Variants in NRG3 observed in about 807,000 individuals in gnomAD.
The protein encoded by NRG3 is neuregulin 3.
In NRG3, 31 loss-of-function variants were observed where a neutral mutation model predicts 66.9. The ratio of observed to expected loss-of-function variants is 0.46; its 90% CI spans 0.35 to 0.63. The LOEUF (loss-of-function observed/expected upper bound fraction) is 0.63. Among genes scored for constraint, NRG3 ranks in the 20% least tolerant of loss-of-function variants. The probability of loss-of-function intolerance (pLI) is 0.00; values close to 1 mark genes in which losing one functional copy is unlikely to be tolerated. For missense variants in NRG3, 910 were observed against 878.9 expected (o/e 1.04, Z -0.45); for synonymous variants, 393 against 359.4 (o/e 1.09, Z -1.06).
chr10:81,876,101 C>G lies in NRG3; in HGVS notation c.761C>G (p.Ser254Cys). ...LSPFQDAASS[S>C]SSSSSSATTT... ...CCCTTTCAGGATGCTGCCTCCTCTT[C>G]TTCCTCTTCTTCCTCCTCCGCTACC... The change falls in exon 1 of 9, where the codon TCT becomes TGT. Residue 254 changes from serine (S) to cysteine (C), a missense_variant. Transcript: ENST00000372141. The G allele has an allele frequency of 6.2e-7, 1 of 1,611,448 alleles. No homozygotes were observed. Among genetic ancestry groups the G allele is most frequent in the Non-Finnish European group, 8.5e-7 (1 of 1,179,032 alleles).
At chr10:82,217,136 A>G (rs953698115) in intron 1 of NRG3, among the ~76,000 whole-genome samples, 3 of 152,232 alleles carry the variant, frequency 2.0e-5, no homozygotes, top group African/African-American at 7.2e-5. Context: ...AGGAAGGTCT[A>G]GAATGGAACA....
At chr10:82,418,460 A>G (rs1834230204) in intron 2 of NRG3, among the ~76,000 whole-genome samples, 1 of 144,932 alleles carries the variant, frequency 6.9e-6, no homozygotes, top group Admixed American at 6.7e-5. Context: ...ATGCAAATGA[A>G]AAGAGGAGGT....
chr10:81,876,345 T>A (rs1235911891), intron 1 of NRG3, among the ~76,000 whole-genome samples, 182 bp downstream of exon 1: 1 of 152,132 alleles, frequency 6.6e-6, no homozygotes, highest in Non-Finnish European at 1.5e-5. Flanking sequence ...CTGCTCTGGT[T>A]CTGGGGGGGT....
intron 2 of NRG3, among the ~76,000 whole-genome samples, chr10:82,490,943 A>G (rs747753261): frequency 6.6e-6 from 1 of 152,114 alleles, no homozygotes; most frequent in African/African-American, 2.4e-5. Context: ...GGCAGCCAAT[A>G]TGGCAGCGTG....
At chr10:82,772,604 T>C (rs950166553) in intron 3 of NRG3, among the ~76,000 whole-genome samples, 9 of 152,120 alleles carry the variant, frequency 5.9e-5, no homozygotes. Context: ...GTTTGGCTTA[T>C]TTCACTTAAC....
chr10:82,503,812 T>TGAG (rs1436990460), intron 2 of NRG3, among the ~76,000 whole-genome samples: 2 of 152,168 alleles, frequency 1.3e-5, no homozygotes, highest in African/African-American at 2.4e-5. Flanking sequence ...ATACTACTTA[T>TGAG]GAGACCAGTG....
rs71009807 is a variant in NRG3, at chr10:82,408,085, C to CAGAAAGAAAGAAAGAA, written c.953+49263_953+49278dup. Among the ~76,000 whole-genome samples, 218 of 74,856 alleles carry CAGAAAGAAAGAAAGAA rather than the reference C, an allele frequency of 2.9e-3. 2 individuals are homozygous for CAGAAAGAAAGAAAGAA. Among genetic ancestry groups the CAGAAAGAAAGAAAGAA allele is most frequent in the South Asian group, 4.9e-3 (9 of 1,854 alleles). 49.1% of individuals were successfully genotyped at this position (74,856 alleles called of 152,430 possible). A position where few individuals can be genotyped will look rare whatever the true frequency, so the allele number is the denominator to read the frequency against. ...AGAGAGAGAGAGAGAGAGAGAGAGA[C>CAGAAAGAAAGAAAGAA]AGAAAGAAAGAAAGAAAGAAAGAAA... On this transcript the variant is annotated intron_variant, in intron 2 of 8. Transcript: ENST00000372141.
intron 3 of NRG3, among the ~76,000 whole-genome samples, chr10:82,767,036 TAA>T (rs1407554653): frequency 2.0e-5 from 3 of 149,642 alleles, no homozygotes; most frequent in South Asian, 4.2e-4. Flanking sequence ...TATATATATA[TAA>T]GGATGATATA....
intron 2 of NRG3, among the ~76,000 whole-genome samples, chr10:82,699,122 C>G (rs181596559): frequency 6.6e-6 from 1 of 152,194 alleles, no homozygotes. Context: ...AACTTCATCC[C>G]AAGATCCTGA....
chr10:81,907,024 G>T (rs1374553084), intron 1 of NRG3, among the ~76,000 whole-genome samples: 1 of 152,172 alleles, frequency 6.6e-6, no homozygotes, highest in Non-Finnish European at 1.5e-5. Flanking sequence ...GAGGTTTGGA[G>T]TGGGGAAGTC....
chr10:82,068,883 G>A (rs1171647454), intron 1 of NRG3, among the ~76,000 whole-genome samples: 1 of 152,128 alleles, frequency 6.6e-6, no homozygotes, highest in Non-Finnish European at 1.5e-5. Flanking sequence ...TGGATGCTAT[G>A]AAAATATAAT....
At chr10:82,505,985 C>T (rs761688501) in intron 2 of NRG3, among the ~76,000 whole-genome samples, 2 of 152,228 alleles carry the variant, frequency 1.3e-5, no homozygotes, top group Admixed American at 6.5e-5. Flanking sequence ...GCGTGGCTCA[C>T]GCCTGTAATC....
chr10:82,112,259 G>C (rs7069876), intron 1 of NRG3, among the ~76,000 whole-genome samples: 123,176 of 151,970 alleles, frequency 0.81, 50,029 homozygotes, highest in East Asian at 0.9. Flanking sequence ...GAAAACAAAA[G>C]AAAACAAAAC....
At chr10:82,067,064 C>T (rs187964113) in intron 1 of NRG3, among the ~76,000 whole-genome samples, 4 of 152,104 alleles carry the variant, frequency 2.6e-5, no homozygotes, top group Non-Finnish European at 4.4e-5. Flanking sequence ...TTATTTCTTA[C>T]TATATTCTGT....
intron 1 of NRG3, among the ~76,000 whole-genome samples, chr10:82,342,005 G>C (rs1263640713): frequency 1.3e-5 from 2 of 151,592 alleles, no homozygotes; most frequent in Non-Finnish European, 2.9e-5. Flanking sequence ...TTCATAAAAT[G>C]GTATGATTTC....
intron 4 of NRG3, among the ~76,000 whole-genome samples, chr10:82,950,419 T>C (rs1177190684): frequency 2.0e-5 from 3 of 152,114 alleles, no homozygotes; most frequent in Non-Finnish European, 2.9e-5. Flanking sequence ...GCTGATGACA[T>C]TGTTAGTGAC....
At chr10:82,443,521 C>T (rs1291386129) in intron 2 of NRG3, among the ~76,000 whole-genome samples, 1 of 152,148 alleles carries the variant, frequency 6.6e-6, no homozygotes, top group Non-Finnish European at 1.5e-5. Context: ...AATCCTTTTA[C>T]AACCATTTTT....
intron 2 of NRG3, among the ~76,000 whole-genome samples, chr10:82,731,138 A>AGGC (rs2057879653): frequency 6.6e-6 from 1 of 152,076 alleles, no homozygotes; most frequent in South Asian, 2.1e-4. Context: ...AGGCTGAGGC[A>AGGC]GGCGGATAAC....
chr10:82,383,370 C>T lies in NRG3; in HGVS notation c.953+24502C>T, dbSNP rs552187493. Among the ~76,000 whole-genome samples, 27 of 151,854 alleles carry T rather than the reference C, an allele frequency of 1.8e-4. 1 individual carries two copies. In the East Asian group the frequency reaches 5.0e-3, roughly 28 times the overall value. ...CTGTTGCACATACTATCAGAAATTC[C>T]ATGAATTCATACCTAAATTTATTTA... On this transcript the variant is annotated intron_variant, in intron 2 of 8. Coordinates refer to ENST00000372141, the MANE Select transcript of NRG3 (RefSeq NM_001010848.4).
Sources: allele counts gnomAD v4.1 joint callset (sites outside exome capture counted in the v4.1 genomes callset), GRCh38; gene constraint gnomAD v4.1.1; transcripts MANE v1.5; gene names NCBI Gene and HGNC (gene_info 2026-07-23, HGNC 2026-07-21).